The following LMTK3 variants were observed in gnomAD, a reference collection of about 807,000 sequenced individuals.
LMTK3 encodes the protein serine/threonine-protein kinase LMTK3.
LMTK3 carries 27 observed loss-of-function variants against 116.7 expected under a neutral mutation model. The ratio of observed to expected loss-of-function variants is 0.23; its 90% CI spans 0.17 to 0.32. The LOEUF is 0.32. Among genes scored for constraint, LMTK3 ranks in the 10% least tolerant of loss-of-function variants. The pLI is 1.00. For missense variants in LMTK3, 1,764 were observed against 2,068.5 expected, an observed-to-expected ratio of 0.85 and a Z score of 2.86; for synonymous variants, 965 against 971.0, an observed-to-expected ratio of 0.99 and a Z score of 0.11.
chr19:48,485,622 C>T lies in LMTK3; in HGVS notation c.*151G>A. ...CGGGGGCCCGGGGCCTCCCGTTTGG[C>T]ACATGGTAGGGGAGTGGGAGGGGGA... On this transcript the variant is annotated 3_prime_UTR_variant, in exon 15 of 15. Transcript: ENST00000600059. The T allele has an allele frequency of 1.2e-6, 1 of 819,838 alleles. No individual in the cohort carries two copies. Among genetic ancestry groups the T allele is most frequent in the Non-Finnish European group, 1.9e-6 (1 of 522,482 alleles). The allele number at this position is 819,838 out of a possible 1,614,324, so 50.8% of individuals were successfully genotyped here.
At chr19:48,502,381 TCCTTCCC>T in intron 7 of LMTK3, 45 bp downstream of exon 7, 1 of 1,276,842 alleles carries the variant, frequency 7.8e-7, no homozygotes, top group Non-Finnish European at 1.1e-6. Flanking sequence ...AGGCCTCACC[TCCTTCCC>T]CCTTCCCCTT....
intron 4 of LMTK3, 58 bp downstream of exon 4, chr19:48,509,379 G>T: frequency 6.7e-7 from 1 of 1,488,332 alleles, no homozygotes; most frequent in Non-Finnish European, 9.2e-7. Context: ...TGTGGACACA[G>T]AACAGGAGGA....
In LMTK3 at chr19:48,498,892, G is replaced by A; in HGVS notation, c.2177C>T (p.Ala726Val). ...SLADLPMAPPASAPPEFLDPL... is the reference protein window; with the variant it reads ...SLADLPMAPPVSAPPEFLDPL... Reference sequence around the variant, plus strand: ...GTCCAGAAACTCGGGGGGGGCCGAGGCGGGGGGGGCCATGGGCAAGTCGGC... The same window carrying A: ...GTCCAGAAACTCGGGGGGGGCCGAGACGGGGGGGGCCATGGGCAAGTCGGC... Residue 726 changes from alanine to valine, a missense_variant, in exon 11 of 15, where the codon GCC becomes GTC. By Grantham distance (64) the Ala-to-Val change is moderately conservative (BLOSUM62 0). This residue lies in a region of LMTK3 where 1,028 missense variants were observed against 1,050.6 expected (regional missense o/e 0.98). Transcript: ENST00000600059. 8.4e-7 allele frequency: 1 copy of A among 1,186,530 alleles called. No homozygotes were observed. Among genetic ancestry groups the A allele is most frequent in the Non-Finnish European group, 1.1e-6 (1 of 931,402 alleles). The allele number at this position is 1,186,530 out of a possible 1,614,324, so 73.5% of individuals were successfully genotyped here.
In LMTK3 at chr19:48,494,265, G is replaced by A. The variant is rs975059351; in HGVS notation, c.3677-156C>T. Among the ~76,000 whole-genome samples, 5 of 152,180 alleles carry A rather than the reference G, an allele frequency of 3.3e-5. No homozygotes were observed. Among genetic ancestry groups the A allele is most frequent in the African/African-American group, 1.2e-4 (5 of 41,448 alleles). On this transcript the variant is annotated intron_variant, in intron 11 of 14. Transcript: ENST00000600059. The surrounding 1 kb of genome is among the most constrained non-coding windows in gnomAD (Gnocchi z 4.0). ...CTGCACCAGGGCTTCTCCAGGCAGG[G>A]TGGGAAAGGTCCTCTCCAGTGCTCA...
Position 48,497,523 on chromosome 19 carries a change from G to C in LMTK3, c.3546C>G (p.Asp1182Glu), listed in dbSNP as rs1972349760. The change falls in exon 11 of 15, where the codon GAC (aspartate) becomes GAG (glutamate). Residue 1182 changes from aspartate to glutamate, a missense_variant. Physicochemically the swap from Asp to Glu is conservative, Grantham distance 45 (BLOSUM62 2). This residue lies in a region of LMTK3 where 1,028 missense variants were observed against 1,050.6 expected (regional missense o/e 0.98). Coordinates refer to ENST00000600059, the MANE Select transcript of LMTK3 (RefSeq NM_001388485.1). This position sits in a 1 kb window ranked among gnomAD's most constrained non-coding sequence, Gnocchi z 5.7. Reference protein sequence around the residue: ...VAPEGEPGAPDSRAGGDTALS... With the variant: ...VAPEGEPGAPESRAGGDTALS... ...GTGCCGTGTCTCCGCCGGCCCTGCT[G>C]TCTGGGGCCCCGGGCTCTCCCTCGG... 3.5e-6 allele frequency: 5 copies of C among 1,425,188 alleles called. No homozygotes were observed. In the African/African-American group the frequency reaches 6.0e-5, roughly 17 times the overall value. The allele number at this position is 1,425,188 out of a possible 1,614,324, so 88.3% of individuals were successfully genotyped here.
rs577999916 is a variant in LMTK3, at chr19:48,511,747, C to T, written c.-171G>A. 1.5e-5 allele frequency: 6 copies of T among 410,456 alleles called. No homozygotes were observed. The highest frequency in any genetic ancestry group is 2.6e-5 in the Non-Finnish European group (6 of 229,814). 25.4% of individuals were successfully genotyped at this position (410,456 alleles called of 1,614,324 possible). A position where few individuals can be genotyped will look rare whatever the true frequency, so the allele number is the denominator to read the frequency against. On this transcript the variant is annotated 5_prime_UTR_variant, in exon 1 of 15. Coordinates refer to ENST00000600059, the MANE Select transcript of LMTK3 (RefSeq NM_001388485.1). ...GAGGGGCTGCTTGCTGGCTCAGGTA[C>T]CCCCCTCCCCCTCTTTGAAGGGACA...
intron 5 of LMTK3, among the ~76,000 whole-genome samples, chr19:48,504,643 G>A (rs1421575042): frequency 6.6e-6 from 1 of 151,706 alleles, no homozygotes; most frequent in African/African-American, 2.4e-5. Flanking sequence ...TCCACCTCCC[G>A]GGTTCAAGTG....
chr19:48,509,967 ATCT>A lies in LMTK3; in HGVS notation c.361+53_361+55del, dbSNP rs1972629609. On this transcript the variant is annotated intron_variant, in intron 3 of 14. Transcript: ENST00000600059. Reference sequence around the variant, plus strand: ...CAGCCCCTGAAGGAACACACTCAACATCTTCTGGCCTTTCCCGGGACACCATGG... The same window carrying A: ...CAGCCCCTGAAGGAACACACTCAACATCTGGCCTTTCCCGGGACACCATGG... 5.6e-6 allele frequency: 9 copies of A among 1,594,794 alleles called. No homozygotes were observed. The South Asian group carries it at 1.0e-4, about 18-fold the overall frequency.
rs1569108297 is a variant in LMTK3 at position 48,510,739 on chromosome 19, G to A, written c.77-147C>T. On this transcript the variant is annotated intron_variant, in intron 1 of 14. Coordinates refer to ENST00000600059, the MANE Select transcript of LMTK3 (RefSeq NM_001388485.1). ...TTGGCAGAGGTGCAGAGTGGCCCAA[G>A]GCATTGTGGGAGTTGTAGTTTGGGG... The A allele has an allele frequency of 1.2e-5, 11 of 937,994 alleles. 1 individual carries two copies. In the South Asian group the frequency reaches 1.3e-4, roughly 11 times the overall value. 58.1% of individuals were successfully genotyped at this position (937,994 alleles called of 1,614,324 possible). A position where few individuals can be genotyped will look rare whatever the true frequency, so the allele number is the denominator to read the frequency against.
rs188798074 is a variant in LMTK3, at chr19:48,489,634, G to T, written c.4366+1474C>A. Among the ~76,000 whole-genome samples, 369 of 152,304 alleles carry T rather than the reference G, an allele frequency of 2.4e-3. 3 individuals carry two copies. The highest frequency in any genetic ancestry group is 8.4e-3 in the African/African-American group (350 of 41,552). ...GGTTAGAGACTGCTGCTGCACAGGC[G>T]CTGTGCTGCATACTCGGGAGGATTA... On this transcript the variant is annotated intron_variant, in intron 14 of 14. Coordinates refer to ENST00000600059, the MANE Select transcript of LMTK3 (RefSeq NM_001388485.1).
Position 48,500,285 on chromosome 19 carries a change from G to A in LMTK3, c.1152-368C>T, listed in dbSNP as rs867765414. Among the ~76,000 whole-genome samples, 8 of 152,202 alleles carry A rather than the reference G, an allele frequency of 5.3e-5. No individual in the cohort carries two copies. Among genetic ancestry groups the A allele is most frequent in the South Asian group, 4.1e-4 (2 of 4,836 alleles). On this transcript the variant is annotated intron_variant, in intron 10 of 14. Transcript: ENST00000600059. The surrounding 1 kb of genome is among the most constrained non-coding windows in gnomAD (Gnocchi z 4.0). ...TAAAAATACAAAAAATTAGCCTAGC[G>A]TGGTGGCACCTGCCTGTAATCCCAG...
upstream of LMTK3, among the ~76,000 whole-genome samples, chr19:48,512,892 C>T (rs548763674): frequency 5.9e-5 from 9 of 152,284 alleles, no homozygotes; most frequent in African/African-American, 1.7e-4. Context: ...TACATAAGCA[C>T]AGACATAGGC....
intron 12 of LMTK3, 39 bp downstream of exon 12, chr19:48,493,655 G>T: frequency 6.6e-7 from 1 of 1,522,486 alleles, no homozygotes. Context: ...GCTCCCTCCA[G>T]GCCGCGACCC....
intron 3 of LMTK3, 42 bp downstream of exon 3, chr19:48,509,981 C>CGAAA (rs762351883): frequency 6.2e-7 from 1 of 1,606,524 alleles, no homozygotes; most frequent in South Asian, 1.1e-5. Flanking sequence ...TCTGGCCTTT[C>CGAAA]CCGGGACACC....
At chr19:48,513,591 C>G (rs368916982), upstream of LMTK3, 2 of 216,868 alleles carry the variant, frequency 9.2e-6, no homozygotes, top group South Asian at 1.3e-4. This position sits in a 1 kb window ranked among gnomAD's most constrained non-coding sequence, Gnocchi z 5.6. Context: ...CTCCATCGTC[C>G]GTGAGCACCT....
intron 12 of LMTK3, among the ~76,000 whole-genome samples, chr19:48,493,421 A>G (rs1238434741): frequency 1.9e-5 from 2 of 102,654 alleles, no homozygotes; most frequent in Non-Finnish European, 3.6e-5. Flanking sequence ...GGCTCCCCTT[A>G]GGTCCCACCC....
chr19:48,496,981 A>G (rs1347280343), intron 11 of LMTK3, among the ~76,000 whole-genome samples: 1 of 152,224 alleles, frequency 6.6e-6, no homozygotes, highest in Non-Finnish European at 1.5e-5. Context: ...CCTCCCTAGC[A>G]TGCTTCATCC....
chr19:48,510,727 A>G (rs1363363774), intron 1 of LMTK3, 135 bp from the exon 2 acceptor site: 31 of 1,049,564 alleles, frequency 3.0e-5, no homozygotes, highest in Non-Finnish European at 4.0e-5. Context: ...GCAGAGGTGC[A>G]GAGTGGCCCA....
At chr19:48,513,456 A>T (rs1247143748), upstream of LMTK3, 1 of 512,944 alleles carries the variant, frequency 1.9e-6, no homozygotes, top group Non-Finnish European at 3.5e-6. This position sits in a 1 kb window ranked among gnomAD's most constrained non-coding sequence, Gnocchi z 5.6. Flanking sequence ...ACACCGACAC[A>T]TCAGACAAGG....
Sources: gnomAD v4.1 joint callset for allele counts (sites outside exome capture counted in the v4.1 genomes callset) on GRCh38, gnomAD v4.1.1 for gene constraint, gnomAD v4.1.1 regional missense constraint, Gnocchi (gnomAD v3.1) non-coding constraint, MANE v1.5 for transcripts, NCBI Gene and HGNC (gene_info 2026-07-23, HGNC 2026-07-21) for gene names.